MYO9B: variants seen among roughly 807,000 people sequenced by gnomAD.
MYO9B encodes unconventional myosin-IXb.
A neutral mutation model predicts 229.5 loss-of-function variants in MYO9B; 71 were observed. The ratio of observed to expected loss-of-function variants is 0.31; its 90% CI spans 0.26 to 0.38. The LOEUF (loss-of-function observed/expected upper bound fraction) is 0.38. MYO9B is among the 10% of genes least tolerant of loss of function. The pLI, the probability that MYO9B is intolerant of heterozygous loss-of-function variation, is 1.00. For missense variants in MYO9B, 2,255 were observed against 2,920.5 expected (o/e 0.77, Z 5.25); for synonymous variants, 1,185 against 1,235.8 (o/e 0.96, Z 0.86).
intron 3 of MYO9B, among the ~76,000 whole-genome samples, chr19:17,151,189 A>C (rs1040715953): frequency 6.6e-6 from 1 of 151,930 alleles, no homozygotes; most frequent in Admixed American, 6.6e-5. Flanking sequence ...GAGGCAGGAG[A>C]ATTGCTTGAA....
At chr19:17,177,656 T>A (rs111660497) in intron 14 of MYO9B, 1 of 152,270 alleles carries the variant, frequency 6.6e-6, no homozygotes, top group Non-Finnish European at 1.5e-5. Context: ...TTTTTTTTTT[T>A]TCTTGCCTCC....
intron 14 of MYO9B, 83 bp downstream of exon 14, chr19:17,175,824 CTTTT>C (rs534528766): frequency 0.054 from 26,900 of 494,944 alleles, 96 homozygotes; most frequent in East Asian, 0.088. Flanking sequence ...ATGCTACATT[CTTTT>C]TTTTTTTTTT....
In MYO9B at chr19:17,195,276, G is replaced by C. The variant is rs1159410924; in HGVS notation, c.3849G>C (p.Arg1283Ser). The change falls in exon 22 of 40, where the codon AGG becomes AGC. Residue 1283 changes from arginine to serine, a missense_variant. Coordinates refer to ENST00000682292, the MANE Select transcript of MYO9B (RefSeq NM_004145.4). The surrounding 1 kb of genome is among the most constrained non-coding windows in gnomAD (Gnocchi z 4.5). ...AGAGCAAACCATGTGGCAGCCCAAG[G>C]GTTCAGGAAAAGCCCGACAGCCCCG... ...EDKSKPCGSP[R>S]VQEKPDSPGG... 6.2e-7 allele frequency: 1 copy of C among 1,612,362 alleles called. No homozygotes were observed. The highest frequency in any genetic ancestry group is 2.2e-5 in the East Asian group (1 of 44,856).
intron 2 of MYO9B, among the ~76,000 whole-genome samples, chr19:17,127,172 C>T (rs953492500): frequency 4.0e-5 from 6 of 148,708 alleles, no homozygotes; most frequent in Non-Finnish European, 5.9e-5. Context: ...CCACCACGCC[C>T]GGCTAATTTC....
At chr19:17,200,134 A>G (rs904180615) in intron 24 of MYO9B, among the ~76,000 whole-genome samples, 159 bp from the exon 25 acceptor site, 5 of 152,140 alleles carry the variant, frequency 3.3e-5, no homozygotes, top group African/African-American at 1.2e-4. Flanking sequence ...GGATCTCCCA[A>G]AGTGCTGGGA....
intron 26 of MYO9B, among the ~76,000 whole-genome samples, chr19:17,201,048 G>A (rs561131581): frequency 1.1e-4 from 16 of 152,326 alleles, no homozygotes; most frequent in Admixed American, 9.2e-4. Context: ...AAACCAGCCT[G>A]GGCAACAGAG....
chr19:17,126,169 T>C (rs139945435), intron 2 of MYO9B, among the ~76,000 whole-genome samples: 6 of 152,272 alleles, frequency 3.9e-5, no homozygotes, highest in African/African-American at 1.4e-4. Context: ...AACTTCTCAT[T>C]TCCTCGCCTC....
intron 24 of MYO9B, 46 bp downstream of exon 24, chr19:17,198,354 G>A (rs765982395): frequency 1.9e-6 from 3 of 1,607,406 alleles, no homozygotes; most frequent in East Asian, 2.2e-5. Context: ...GAGGATGCCC[G>A]GGGTCCCTGC....
intron 14 of MYO9B, among the ~76,000 whole-genome samples, chr19:17,180,102 G>T (rs998380035): frequency 6.6e-6 from 1 of 150,468 alleles, no homozygotes; most frequent in Non-Finnish European, 1.5e-5. Context: ...GCATGGTGGT[G>T]CACGCCTGTA....
At chr19:17,087,001 T>A (rs767593136) in intron 1 of MYO9B, among the ~76,000 whole-genome samples, 1 of 152,188 alleles carries the variant, frequency 6.6e-6, no homozygotes. Flanking sequence ...AAAGCACTTA[T>A]CACTGTTGCT....
chr19:17,152,653 C>T lies in MYO9B; in HGVS notation c.945C>T (p.Val315=), dbSNP rs199639787. The stretch of plus-strand genomic sequence containing the variant: ...TTTCTCTTAATGACAGAGCTGTCGT[C>T]GAGAAATATCTGCTTGAAAAGTCTC... ...LESGIVRGAV[V]EKYLLEKSRL... The change falls in exon 4 of 40, where the codon GTC becomes GTT. Residue 315 remains valine (V), a synonymous_variant. Transcript: ENST00000682292. 121 of 1,612,722 alleles carry T rather than the reference C, an allele frequency of 7.5e-5. No individual in the cohort carries two copies. In the Admixed American group the frequency reaches 1.9e-3, roughly 25 times the overall value.
chr19:17,129,655 G>A (rs547124096), intron 2 of MYO9B, among the ~76,000 whole-genome samples: 45 of 152,310 alleles, frequency 3.0e-4, no homozygotes, highest in African/African-American at 1.1e-3. Flanking sequence ...GTCTGAAATG[G>A]GGATGGCAGG....
chr19:17,145,291 A>G (rs547583962), intron 2 of MYO9B, 106 bp from the exon 3 acceptor site: 1 of 1,067,022 alleles, frequency 9.4e-7, no homozygotes, highest in East Asian at 2.5e-5. Context: ...AAAAATAGAT[A>G]AATTGAACAA....
intron 2 of MYO9B, among the ~76,000 whole-genome samples, chr19:17,123,552 T>C (rs1394748261): frequency 2.6e-5 from 4 of 151,884 alleles, no homozygotes; most frequent in African/African-American, 9.7e-5. Flanking sequence ...GCGATTCTCC[T>C]GCCTCAACCT....
chr19:17,160,498 C>A (rs1480041302), intron 8 of MYO9B, among the ~76,000 whole-genome samples: 2 of 141,730 alleles, frequency 1.4e-5, no homozygotes, highest in Non-Finnish European at 3.0e-5. Flanking sequence ...ACCTTAAGAG[C>A]TTCTTTTTTT....
Position 17,200,324 on chromosome 19 carries a change from A to G in MYO9B, c.4270A>G (p.Thr1424Ala), listed in dbSNP as rs1342107003. 4 of 1,613,438 alleles carry G rather than the reference A, an allele frequency of 2.5e-6. No individual in the cohort carries two copies. The highest frequency in any genetic ancestry group is 1.1e-5 in the South Asian group (1 of 91,004). The stretch of plus-strand genomic sequence containing the variant: ...GTTTAAGAGGCTTTTTCTGCATAAA[A>G]CCAAGGATAAAAAATACAGCCTGGA... ...STFKRLFLHK[T>A]KDKKYSLEGA... The change falls in exon 25 of 40, where the codon ACC becomes GCC. Residue 1424 changes from threonine to alanine, a missense_variant. By Grantham distance (58) the Thr-to-Ala change is moderately conservative. This residue lies in a region of MYO9B where 679 missense variants were observed against 770.2 expected (regional missense o/e 0.88). Transcript: ENST00000682292.
intron 1 of MYO9B, among the ~76,000 whole-genome samples, chr19:17,089,336 C>T (rs2123468309): frequency 6.6e-6 from 1 of 152,156 alleles, no homozygotes; most frequent in East Asian, 1.9e-4. Flanking sequence ...GCACTGAATG[C>T]TGCACGATGC....
Position 17,102,556 on chromosome 19 carries a change from A to C in MYO9B, c.839A>C (p.Glu280Ala), listed in dbSNP as rs780024976. 6 of 1,582,174 alleles carry C rather than the reference A, an allele frequency of 3.8e-6. No individual in the cohort carries two copies. The highest frequency in any genetic ancestry group is 5.2e-6 in the Non-Finnish European group (6 of 1,162,520). The change falls in exon 2 of 40, where the codon GAG becomes GCG. Residue 280 changes from glutamate (E) to alanine (A), a missense_variant and splice_region_variant. Transcript: ENST00000682292. The part of the protein sequence containing the change: ...RTILGAGPVL[E>A]AFGNAKTAHN... ...ATCCTGGGTGCTGGCCCTGTGCTGG[A>C]GGTGAGCGGGGAAGCTGGTCGGTCT... is the stretch of plus-strand genomic sequence containing the variant.
intron 2 of MYO9B, among the ~76,000 whole-genome samples, chr19:17,112,931 G>T (rs1447415836): frequency 6.6e-6 from 1 of 152,238 alleles, no homozygotes; most frequent in Admixed American, 6.5e-5. Flanking sequence ...TCATTGGGGG[G>T]CATTTCAGGG....
Sources: allele counts gnomAD v4.1 joint callset (sites outside exome capture counted in the v4.1 genomes callset), GRCh38; gene constraint gnomAD v4.1.1; regional missense constraint gnomAD v4.1.1; non-coding constraint Gnocchi (gnomAD v3.1); transcripts MANE v1.5; gene names NCBI Gene and HGNC (gene_info 2026-07-23, HGNC 2026-07-21).